Variants in LMLN observed in about 807,000 individuals in gnomAD.
LMLN encodes leishmanolysin like peptidase.
In LMLN, 70 loss-of-function variants were observed where a neutral mutation model predicts 92.3. The observed-to-expected ratio is 0.76, with a 90% CI of 0.63 to 0.92. The LOEUF (loss-of-function observed/expected upper bound fraction) is 0.92, where lower values mean the gene tolerates loss of function less well. Among genes scored for constraint, LMLN ranks in the 40% least tolerant of loss-of-function variants. The pLI is 0.00. For synonymous variants in LMLN, 308 were observed against 296.2 expected, an observed-to-expected ratio of 1.04 and a Z score of -0.41; for missense variants, 691 against 814.6, an observed-to-expected ratio of 0.85 and a Z score of 1.85.
At chr3:198,021,894 G>A (rs1722794572) in intron 13 of LMLN, among the ~76,000 whole-genome samples, 1 of 152,118 alleles carries the variant, frequency 6.6e-6, no homozygotes, top group Admixed American at 6.5e-5. Context: ...ATGCACACAC[G>A]CTATATTTTG....
In LMLN at chr3:198,038,963, T is replaced by C. The variant is rs577325758; in HGVS notation, c.*296T>C. The C allele has an allele frequency of 3.3e-3, 1,059 of 322,032 alleles. 6 individuals are homozygous for C. The highest frequency in any genetic ancestry group is 0.013 in the African/African-American group (592 of 45,432). 19.9% of individuals were successfully genotyped at this position (322,032 alleles called of 1,614,324 possible). On this transcript the variant is annotated 3_prime_UTR_variant, in exon 16 of 16. Transcript: ENST00000330198. ...CACCTCGTCAGCAACCCAGCCACCT[T>C]CATCAGCAACCCAACCACCTCATCA...
intron 5 of LMLN, among the ~76,000 whole-genome samples, chr3:197,979,279 A>T (rs1179720852): frequency 1.3e-5 from 2 of 152,208 alleles, no homozygotes; most frequent in Non-Finnish European, 2.9e-5. Context: ...CACCTTAAAA[A>T]TAATAATTTA....
At chr3:197,974,328 G>A in intron 1 of LMLN, 49 bp from the exon 2 acceptor site, 1 of 943,988 alleles carries the variant, frequency 1.1e-6, no homozygotes, top group Non-Finnish European at 1.7e-6. Flanking sequence ...GATTGCAGTG[G>A]GTTAATCTGT....
chr3:197,995,564 A>G (rs1485493214), intron 9 of LMLN, among the ~76,000 whole-genome samples: 1 of 152,156 alleles, frequency 6.6e-6, no homozygotes, highest in Non-Finnish European at 1.5e-5. Flanking sequence ...GGTAGTGGTT[A>G]TAGAGGCTGG....
chr3:198,031,959 C>G lies in LMLN; in HGVS notation c.1657-3874C>G, dbSNP rs549863146. Among the ~76,000 whole-genome samples, 3 of 151,810 alleles carry G rather than the reference C, an allele frequency of 2.0e-5. No individual in the cohort carries two copies. The highest frequency in any genetic ancestry group is 7.2e-5 in the African/African-American group (3 of 41,410). ...TCTACTAAAAATACAAAAATTAGCC[C>G]GGTGTGGTGGTGGGCGCCTGTAATT... On this transcript the variant is annotated intron_variant, in intron 14 of 15. Coordinates refer to ENST00000330198, the Ensembl canonical transcript of LMLN. The surrounding 1 kb of genome is among the most constrained non-coding windows in gnomAD (Gnocchi z 4.8).
chr3:197,964,924 T>C (rs1416886871), intron 1 of LMLN, among the ~76,000 whole-genome samples: 1 of 151,736 alleles, frequency 6.6e-6, no homozygotes, highest in South Asian at 2.1e-4. Context: ...GGAGAATTGC[T>C]TGAATTCAGG....
At chr3:197,992,596 A>C (rs1180439415) in intron 9 of LMLN, among the ~76,000 whole-genome samples, 1 of 152,346 alleles carries the variant, frequency 6.6e-6, no homozygotes, top group East Asian at 1.9e-4. Flanking sequence ...TGAAGAAATA[A>C]AAAATCTGAA....
intron 14 of LMLN, among the ~76,000 whole-genome samples, chr3:198,026,571 C>G (rs1436836423): frequency 6.6e-6 from 1 of 152,206 alleles, no homozygotes; most frequent in African/African-American, 2.4e-5. Flanking sequence ...TCCCAAAGTG[C>G]TGGGATTATA....
chr3:197,989,866 T>A (rs1262052854), intron 8 of LMLN, among the ~76,000 whole-genome samples: 2 of 152,050 alleles, frequency 1.3e-5, no homozygotes, highest in Non-Finnish European at 2.9e-5. Context: ...CAACAAAAAA[T>A]AAAAAATAAA....
chr3:198,010,731 G>A (rs1288994998), intron 11 of LMLN, among the ~76,000 whole-genome samples: 1 of 152,130 alleles, frequency 6.6e-6, no homozygotes, highest in African/African-American at 2.4e-5. Flanking sequence ...GATTATAGTC[G>A]TGAGCCACTG....
intron 11 of LMLN, among the ~76,000 whole-genome samples, chr3:198,006,903 G>C (rs1192333792): frequency 6.6e-6 from 1 of 152,084 alleles, no homozygotes; most frequent in African/African-American, 2.4e-5. Context: ...AGTAGAGATG[G>C]GGTTTTACCA....
intron 12 of LMLN, among the ~76,000 whole-genome samples, chr3:198,020,763 TTTGTA>T (rs1722754617): frequency 1.4e-5 from 2 of 140,314 alleles, no homozygotes; most frequent in South Asian, 2.2e-4. Flanking sequence ...CCAGCTAATT[TTTGTA>T]TTTTTTTTTT....
intron 7 of LMLN, among the ~76,000 whole-genome samples, chr3:197,984,863 A>T (rs1445017448): frequency 6.7e-6 from 1 of 148,844 alleles, no homozygotes; most frequent in African/African-American, 2.5e-5. Context: ...TTTAGTAGAG[A>T]TGGGGGTCTC....
At chr3:197,998,370 G>A (rs1056486463) in intron 10 of LMLN, among the ~76,000 whole-genome samples, 2 of 152,128 alleles carry the variant, frequency 1.3e-5, no homozygotes, top group African/African-American at 2.4e-5. Flanking sequence ...TAACAATGAT[G>A]GAAACTTACG....
At chr3:198,036,876 A>G (rs1270911011) in intron 15 of LMLN, among the ~76,000 whole-genome samples, 3 of 152,222 alleles carry the variant, frequency 2.0e-5, no homozygotes, top group Non-Finnish European at 2.9e-5. Context: ...CATTTTCTCA[A>G]CTAGAGGTGT....
chr3:197,999,573 C>T, intron 11 of LMLN: 1 of 504,546 alleles, frequency 2.0e-6, no homozygotes, highest in Non-Finnish European at 3.6e-6. Flanking sequence ...TCCTTCTGCG[C>T]AGGCTGGAGT....
chr3:198,041,127 C>T (rs1473542668), exon 16 of LMLN: 1 of 152,234 alleles, frequency 6.6e-6, no homozygotes, highest in Non-Finnish European at 1.5e-5. Flanking sequence ...GGCACTAGAG[C>T]CAACAGCAAC....
At chr3:198,021,259 A>C (rs1330747551) in intron 12 of LMLN, among the ~76,000 whole-genome samples, 187 bp from the exon 14 acceptor site, 1 of 152,224 alleles carries the variant, frequency 6.6e-6, no homozygotes, top group Non-Finnish European at 1.5e-5. Context: ...GTAAAACTGT[A>C]GCAACCTTTA....
exon 13 of LMLN, chr3:198,021,520 C>T: frequency 6.2e-7 from 1 of 1,613,990 alleles, no homozygotes; most frequent in Non-Finnish European, 8.5e-7. Context: ...TTGCTGACTA[C>T]TGCCCTTTCA....
Sources: allele counts gnomAD v4.1 joint callset (sites outside exome capture counted in the v4.1 genomes callset), GRCh38; gene constraint gnomAD v4.1.1; non-coding constraint Gnocchi (gnomAD v3.1); transcripts MANE v1.5; gene names NCBI Gene and HGNC (gene_info 2026-07-23, HGNC 2026-07-21).